The following GALNTL6 variants were observed in gnomAD, a reference collection of about 807,000 sequenced individuals.
GALNTL6 encodes the protein polypeptide N-acetylgalactosaminyltransferase like 6, also known as polypeptide N-acetylgalactosaminyltransferase-like 6.
GALNTL6 carries 46 observed loss-of-function variants against 73.7 expected under a neutral mutation model. That is an observed-to-expected ratio of 0.62 (90% CI 0.49 to 0.80). The LOEUF is 0.80. Among genes scored for constraint, GALNTL6 ranks in the 30% least tolerant of loss-of-function variants. The pLI, the probability that GALNTL6 is intolerant of heterozygous loss-of-function variation, is 0.00. For missense variants in GALNTL6, 604 were observed against 755.0 expected (o/e 0.80, Z 2.34); for synonymous variants, 259 against 263.7 (o/e 0.98, Z 0.17).
chr4:171,826,024 C>T (rs1379598481), intron 2 of GALNTL6, among the ~76,000 whole-genome samples: 1 of 152,098 alleles, frequency 6.6e-6, no homozygotes, highest in East Asian at 1.9e-4. Context: ...AGTTGTGTCA[C>T]CTTAACAGAA....
intron 5 of GALNTL6, among the ~76,000 whole-genome samples, chr4:172,587,980 G>A (rs1202146893): frequency 6.6e-6 from 1 of 151,930 alleles, no homozygotes; most frequent in Non-Finnish European, 1.5e-5. Flanking sequence ...ATTTCATTTT[G>A]CCCATAGTAG....
intron 7 of GALNTL6, among the ~76,000 whole-genome samples, chr4:172,827,131 C>A (rs563562022): frequency 1.3e-5 from 2 of 152,212 alleles, no homozygotes; most frequent in Non-Finnish European, 2.9e-5. Context: ...GGTAGGGTCA[C>A]TCTCCCACTG....
intron 5 of GALNTL6, among the ~76,000 whole-genome samples, chr4:172,541,148 T>C (rs1432234296): frequency 6.6e-6 from 1 of 152,230 alleles, no homozygotes; most frequent in Non-Finnish European, 1.5e-5. Flanking sequence ...GTAAGCCATA[T>C]TATACCAGGT....
chr4:172,605,684 G>GC lies in GALNTL6; in HGVS notation c.554-203676dup, dbSNP rs1738228686. 3.9e-5 allele frequency among the ~76,000 whole-genome samples: 6 copies of GC among 152,096 alleles called. No homozygotes were observed. In the South Asian group the frequency reaches 1.2e-3, roughly 32 times the overall value. Reference sequence around the variant, plus strand: ...AGGAAAAAGTATGCGGTTTGGTATGGCTAGAATATAAGATATAAATGATGC... The same window carrying GC: ...AGGAAAAAGTATGCGGTTTGGTATGGCCTAGAATATAAGATATAAATGATGC... On this transcript the variant is annotated intron_variant, in intron 5 of 12. Transcript: ENST00000506823.
At chr4:172,544,340 C>A (rs1279451830) in intron 5 of GALNTL6, among the ~76,000 whole-genome samples, 3 of 152,180 alleles carry the variant, frequency 2.0e-5, no homozygotes, top group Admixed American at 6.5e-5. Context: ...CGTGGTTCCA[C>A]ATCTCTGCTA....
intron 5 of GALNTL6, among the ~76,000 whole-genome samples, chr4:172,709,589 T>C (rs1210752248): frequency 1.3e-5 from 2 of 152,122 alleles, no homozygotes. Context: ...TTCTCTGAAG[T>C]GCCTGAGCTG....
intron 5 of GALNTL6, among the ~76,000 whole-genome samples, chr4:172,356,638 T>C (rs1481420844): frequency 6.6e-6 from 1 of 152,172 alleles, no homozygotes; most frequent in Non-Finnish European, 1.5e-5. Flanking sequence ...CTAATAAGAA[T>C]TAAATGTTTT....
intron 10 of GALNTL6, among the ~76,000 whole-genome samples, chr4:173,005,527 T>A (rs199513846): frequency 2.8e-5 from 4 of 141,522 alleles, no homozygotes; most frequent in Non-Finnish European, 6.5e-5. Context: ...TGTCTACATT[T>A]AAAAAAAATA....
intron 5 of GALNTL6, among the ~76,000 whole-genome samples, chr4:172,611,753 C>A (rs1041141558): frequency 6.6e-6 from 1 of 152,060 alleles, no homozygotes. Flanking sequence ...TGTAATCAGT[C>A]TACTCTTATC....
At chr4:172,269,484 A>G (rs1011957188) in intron 3 of GALNTL6, among the ~76,000 whole-genome samples, 4 of 152,086 alleles carry the variant, frequency 2.6e-5, no homozygotes, top group African/African-American at 7.2e-5. Flanking sequence ...CTTCCCTCCA[A>G]TGTCAGGAAG....
intron 2 of GALNTL6, among the ~76,000 whole-genome samples, chr4:171,930,690 G>A (rs1252709063): frequency 6.6e-6 from 1 of 152,052 alleles, no homozygotes; most frequent in South Asian, 2.1e-4. Context: ...AAAAAAAATA[G>A]CCAGGCGTGG....
chr4:172,891,144 G>C (rs1230652147), intron 8 of GALNTL6, among the ~76,000 whole-genome samples: 1 of 148,504 alleles, frequency 6.7e-6, no homozygotes, highest in African/African-American at 2.5e-5. Context: ...AATCCAACTT[G>C]CCACTCTGTG....
chr4:172,877,618 A>C (rs1010496583), intron 7 of GALNTL6, among the ~76,000 whole-genome samples: 1 of 151,920 alleles, frequency 6.6e-6, no homozygotes, highest in African/African-American at 2.4e-5. Context: ...CTAGTCTACC[A>C]TATGAGTAAA....
chr4:172,001,051 G>A (rs180876754), intron 2 of GALNTL6, among the ~76,000 whole-genome samples: 2 of 152,284 alleles, frequency 1.3e-5, no homozygotes, highest in Admixed American at 6.5e-5. Context: ...AATAGCAGTG[G>A]TGAGAATAGT....
chr4:172,994,551 T>C (rs2126463065), intron 10 of GALNTL6, among the ~76,000 whole-genome samples: 2 of 152,348 alleles, frequency 1.3e-5, no homozygotes, highest in African/African-American at 4.8e-5. Flanking sequence ...TACAGTTTCA[T>C]ATGCCAAATG....
At chr4:172,617,682 C>A (rs563031733) in intron 5 of GALNTL6, among the ~76,000 whole-genome samples, 1 of 151,826 alleles carries the variant, frequency 6.6e-6, no homozygotes, top group African/African-American at 2.4e-5. Context: ...GGGGTTCCAC[C>A]GTGTTAGCCA....
At chr4:172,390,442 ATTG>A (rs1743623479) in intron 5 of GALNTL6, among the ~76,000 whole-genome samples, 1 of 152,206 alleles carries the variant, frequency 6.6e-6, no homozygotes, top group Non-Finnish European at 1.5e-5. Context: ...GAAATAAACA[ATTG>A]ATAAGTTTTA....
chr4:172,183,981 C>T (rs1315862500), intron 2 of GALNTL6, among the ~76,000 whole-genome samples: 3 of 151,844 alleles, frequency 2.0e-5, no homozygotes, highest in South Asian at 2.1e-4. Context: ...TTAGTAGAGA[C>T]GGGGTTTCAC....
intron 2 of GALNTL6, chr4:172,052,533 T>C (rs1730905549): frequency 6.5e-7 from 1 of 1,533,316 alleles, no homozygotes; most frequent in African/African-American, 1.4e-5. Flanking sequence ...GTTTACCAGG[T>C]AACCGGTAAA....
Sources: gnomAD v4.1 joint callset for allele counts (sites outside exome capture counted in the v4.1 genomes callset) on GRCh38, gnomAD v4.1.1 for gene constraint, MANE v1.5 for transcripts, NCBI Gene and HGNC (gene_info 2026-07-23, HGNC 2026-07-21) for gene names.